RIMS2: variants seen among roughly 807,000 people sequenced by gnomAD.
RIMS2 encodes regulating synaptic membrane exocytosis 2.
Under a neutral mutation model 174.4 loss-of-function variants are expected in RIMS2, and 59 were observed. The observed-to-expected ratio is 0.34, with a 90% CI of 0.27 to 0.42. The LOEUF (loss-of-function observed/expected upper bound fraction) is 0.42. RIMS2 is among the 10% of genes least tolerant of loss of function. RIMS2 has a pLI of 1.00. For missense variants in RIMS2, 1,620 were observed against 1,666.3 expected (o/e 0.97, Z 0.48); for synonymous variants, 606 against 572.5 (o/e 1.06, Z -0.84).
At chr8:103,594,931 T>C (rs1309330814) in intron 1 of RIMS2, among the ~76,000 whole-genome samples, 1 of 151,806 alleles carries the variant, frequency 6.6e-6, no homozygotes, top group Non-Finnish European at 1.5e-5. Context: ...GAAAGCCAGA[T>C]AGCTCATGAT....
intron 19 of RIMS2, chr8:104,223,679 A>G (rs1196800237): frequency 6.3e-7 from 1 of 1,590,958 alleles, no homozygotes; most frequent in Non-Finnish European, 8.5e-7. Flanking sequence ...GGGGGGTGCC[A>G]GCGCTGCGGG....
chr8:103,930,155 A>G (rs757113066), intron 11 of RIMS2, among the ~76,000 whole-genome samples: 2 of 151,998 alleles, frequency 1.3e-5, no homozygotes, highest in African/African-American at 4.8e-5. Flanking sequence ...TCTTATTCCT[A>G]TAAAAGGGCT....
chr8:103,917,959 C>T (rs147745232), intron 8 of RIMS2, among the ~76,000 whole-genome samples: 3,042 of 152,126 alleles, frequency 0.02, 97 homozygotes, highest in African/African-American at 0.067. Flanking sequence ...CAGAGTGAGA[C>T]TCCATCTTAA....
chr8:104,233,155 T>C (rs1451085436), intron 19 of RIMS2, among the ~76,000 whole-genome samples: 1 of 152,216 alleles, frequency 6.6e-6, no homozygotes, highest in Non-Finnish European at 1.5e-5. Context: ...TCTGCAGATT[T>C]GACCACCCAA....
At chr8:103,731,425 A>T (rs2097592962) in intron 2 of RIMS2, among the ~76,000 whole-genome samples, 1 of 151,968 alleles carries the variant, frequency 6.6e-6, no homozygotes, top group Admixed American at 6.6e-5. Flanking sequence ...AAATGTTTTG[A>T]GGTAGTCTTC....
chr8:103,755,173 C>T (rs2097968671), intron 2 of RIMS2, among the ~76,000 whole-genome samples: 1 of 152,150 alleles, frequency 6.6e-6, no homozygotes. Context: ...AATTTTATTT[C>T]TGCTTCACTT....
intron 2 of RIMS2, among the ~76,000 whole-genome samples, chr8:103,764,503 A>C (rs1221541162): frequency 6.6e-6 from 1 of 152,218 alleles, no homozygotes; most frequent in East Asian, 1.9e-4. Flanking sequence ...CAAAAGGCTG[A>C]GATGCTGGCT....
chr8:103,638,454 G>A lies in RIMS2; in HGVS notation c.177-58632G>A, dbSNP rs115970195. 4.3e-3 allele frequency among the ~76,000 whole-genome samples: 649 copies of A among 151,966 alleles called. 4 individuals carry two copies. The highest frequency in any genetic ancestry group is 0.015 in the African/African-American group (614 of 41,468). ...GCACTCTTCTGTAAGGGAAATATGC[G>A]CCGTCTTCTCTAATTATTTATTTAT... On this transcript the variant is annotated intron_variant, in intron 1 of 23. Coordinates refer to ENST00000504942, the Ensembl canonical transcript of RIMS2.
intron 19 of RIMS2, among the ~76,000 whole-genome samples, chr8:104,105,476 C>T (rs2098029291): frequency 6.6e-6 from 1 of 152,144 alleles, no homozygotes; most frequent in Admixed American, 6.5e-5. Context: ...GGTGTCACCA[C>T]ACTTTCAGGG....
In RIMS2 at chr8:104,173,613, A is replaced by ATTTTTTTTTTTTTTT. The variant is rs71297262; in HGVS notation, c.3335-71284_3335-71270dup. Reference sequence around the variant, plus strand: ...AATATTTACTACCTTAGCTCTTCTGATTTTTTTTTTTTTTTTTTTTTTTTT... The same window carrying ATTTTTTTTTTTTTTT: ...AATATTTACTACCTTAGCTCTTCTGATTTTTTTTTTTTTTTTTTTTTTTTTTTTTTTTTTTTTTTT... On this transcript the variant is annotated intron_variant, in intron 19 of 23. Coordinates refer to ENST00000504942, the Ensembl canonical transcript of RIMS2. Among the ~76,000 whole-genome samples the ATTTTTTTTTTTTTTT allele has an allele frequency of 2.8e-4, 15 of 54,236 alleles. 3 individuals carry two copies. The highest frequency in any genetic ancestry group is 1.0e-3 in the Admixed American group (3 of 3,004). 35.6% of individuals were successfully genotyped at this position (54,236 alleles called of 152,430 possible). A position where few individuals can be genotyped will look rare whatever the true frequency, so the allele number is the denominator to read the frequency against.
chr8:103,997,405 G>T (rs2095171136), intron 17 of RIMS2, among the ~76,000 whole-genome samples: 1 of 151,786 alleles, frequency 6.6e-6, no homozygotes, highest in Non-Finnish European at 1.5e-5. Context: ...GAATTTGAGA[G>T]AGTTCAAGGT....
intron 2 of RIMS2, among the ~76,000 whole-genome samples, chr8:103,736,037 C>T (rs1371449127): frequency 1.3e-5 from 2 of 152,082 alleles, no homozygotes; most frequent in Non-Finnish European, 2.9e-5. Flanking sequence ...TCAGTTTATG[C>T]GCGTAATATT....
At chr8:103,695,735 G>T (rs75479669) in intron 1 of RIMS2, among the ~76,000 whole-genome samples, 29,030 of 149,594 alleles carry the variant, frequency 0.19, 2,956 homozygotes, top group Middle Eastern at 0.29. Flanking sequence ...GTTTTTTTTT[G>T]TTTGTTTGTT....
intron 19 of RIMS2, among the ~76,000 whole-genome samples, chr8:104,111,434 G>A (rs1245924195): frequency 6.6e-6 from 1 of 152,180 alleles, no homozygotes; most frequent in South Asian, 2.1e-4. Flanking sequence ...TTGAGACAGA[G>A]TCTCACTCTG....
chr8:104,251,488 G>T, intron 23 of RIMS2, 114 bp from the exon 30 acceptor site: 1 of 684,852 alleles, frequency 1.5e-6, no homozygotes, highest in South Asian at 1.8e-5. Context: ...ATTTTAACTT[G>T]ATCTTTGATG....
intron 3 of RIMS2, among the ~76,000 whole-genome samples, chr8:103,774,114 C>A (rs1034730599): frequency 7.2e-5 from 11 of 152,154 alleles, no homozygotes; most frequent in Admixed American, 5.9e-4. Context: ...TGCACTCCAG[C>A]CTGGGTGACT....
At position 103,563,021 on chromosome 8, in the gene RIMS2, G is replaced by A. The variant is rs145223670; in HGVS notation, c.176+61959G>A. On this transcript the variant is annotated intron_variant, in intron 1 of 23. Coordinates refer to ENST00000504942, the Ensembl canonical transcript of RIMS2. ...AGTCCCTTGACTGCACACTGAAGGG[G>A]GACCAAGGGCCTGGCCCACAAAACC... 4.2e-3 allele frequency among the ~76,000 whole-genome samples: 639 copies of A among 152,240 alleles called. 4 individuals carry two copies. Among genetic ancestry groups the A allele is most frequent in the African/African-American group, 0.015 (609 of 41,544 alleles).
chr8:103,979,471 C>A (rs2154548999), intron 16 of RIMS2, among the ~76,000 whole-genome samples: 1 of 152,296 alleles, frequency 6.6e-6, no homozygotes, highest in Non-Finnish European at 1.5e-5. Context: ...AGTTCCACTA[C>A]TGAGTATCAA....
chr8:103,562,321 G>A (rs2091720168), intron 1 of RIMS2, among the ~76,000 whole-genome samples: 2 of 152,190 alleles, frequency 1.3e-5, no homozygotes, highest in Admixed American at 1.3e-4. Context: ...AGATACAGTG[G>A]GAGTACAGAC....
Sources: allele counts gnomAD v4.1 joint callset (sites outside exome capture counted in the v4.1 genomes callset), GRCh38; gene constraint gnomAD v4.1.1; transcripts MANE v1.5; gene names NCBI Gene and HGNC (gene_info 2026-07-23, HGNC 2026-07-21).